The following CDC23 variants were observed in gnomAD, a reference collection of about 807,000 sequenced individuals.
The protein encoded by CDC23 is cell division cycle 23, also known as cell division cycle protein 23 homolog.
In CDC23, 26 loss-of-function variants were observed where a neutral mutation model predicts 81.7. The ratio of observed to expected loss-of-function variants is 0.32; its 90% CI spans 0.23 to 0.44. The LOEUF (loss-of-function observed/expected upper bound fraction) is 0.44, where lower values mean the gene tolerates loss of function less well. CDC23 is among the 20% of genes least tolerant of loss of function. The probability of loss-of-function intolerance (pLI) is 1.00; values close to 1 mark genes in which losing one functional copy is unlikely to be tolerated. For synonymous variants in CDC23, 267 were observed against 270.8 expected (o/e 0.99, Z 0.14); for missense variants, 519 against 728.0 (o/e 0.71, Z 3.30).
intron 2 of CDC23, among the ~76,000 whole-genome samples, chr5:138,212,242 G>A (rs1755121484): frequency 6.6e-6 from 1 of 152,182 alleles, no homozygotes; most frequent in African/African-American, 2.4e-5. Flanking sequence ...ACCCAGAGTC[G>A]TCTCAATCCA....
intron 9 of CDC23, among the ~76,000 whole-genome samples, chr5:138,193,993 G>C (rs2967782): frequency 0.34 from 51,662 of 151,222 alleles, 9,038 homozygotes; most frequent in South Asian, 0.43. Context: ...CTAAGTTTCC[G>C]TCTCACACAA....
chr5:138,197,438 TATA>T (rs749827219), intron 9 of CDC23, among the ~76,000 whole-genome samples: 33 of 151,142 alleles, frequency 2.2e-4, no homozygotes, highest in Non-Finnish European at 4.6e-4. Context: ...TAGCACTATG[TATA>T]ATGATACAGT....
chr5:138,192,433 T>C (rs778588872), intron 10 of CDC23, 45 bp from the exon 11 acceptor site: 2 of 1,613,938 alleles, frequency 1.2e-6, no homozygotes, highest in East Asian at 2.2e-5. Context: ...AGAATCAAGG[T>C]TGGCAACTTG....
At chr5:138,203,480 T>C (rs1171303241) in intron 3 of CDC23, among the ~76,000 whole-genome samples, 2 of 152,112 alleles carry the variant, frequency 1.3e-5, no homozygotes, top group African/African-American at 2.4e-5. Context: ...GGAAGATTTA[T>C]AAATTTCAAA....
Position 138,188,281 on chromosome 5 carries a change from A to T in CDC23, c.*697T>A, listed in dbSNP as rs1172778356. The T allele has an allele frequency of 6.6e-6, 1 of 152,154 alleles. No individual in the cohort carries two copies. The highest frequency in any genetic ancestry group is 1.5e-5 in the Non-Finnish European group (1 of 68,024). The allele number at this position is 152,154 out of a possible 1,614,324, so 9.4% of individuals were successfully genotyped here. A position where few individuals can be genotyped will look rare whatever the true frequency, so the allele number is the denominator to read the frequency against. Reference sequence around the variant, plus strand: ...CTTTGGTAGGAGTATAGCTAACAATATAGCCATCTTTTGCCCTCAGTAAGG... The same window carrying T: ...CTTTGGTAGGAGTATAGCTAACAATTTAGCCATCTTTTGCCCTCAGTAAGG... On this transcript the variant is annotated 3_prime_UTR_variant, in exon 16 of 16. Transcript: ENST00000394886.
chr5:138,206,532 TA>T lies in CDC23; in HGVS notation c.372+14del. Reference sequence around the variant, plus strand: ...TTTCACTAAAGGCAGAATGACATTTTAAAATGGCCCTCACCAGATATCTGGA... The same window carrying T: ...TTTCACTAAAGGCAGAATGACATTTTAAATGGCCCTCACCAGATATCTGGA... On this transcript the variant is annotated intron_variant, in intron 3 of 15. Transcript: ENST00000394886. The T allele has an allele frequency of 6.2e-7, 1 of 1,614,036 alleles. No homozygotes were observed. Among genetic ancestry groups the T allele is most frequent in the Non-Finnish European group, 8.5e-7 (1 of 1,179,876 alleles).
At position 138,189,144 on chromosome 5, in the gene CDC23, C is replaced by T. The variant is rs1414185603; in HGVS notation, c.1628G>A (p.Arg543Gln). ...CCGGAGTAAGGCCTTACCTTCTTCC[C>T]GGGTCTGCAACAAAGTCAGGGAAAT... Reference protein sequence around the residue: ...AQKCCAFNDTREEGKALLRQI... With the variant: ...AQKCCAFNDTQEEGKALLRQI... Residue 543 changes from arginine to glutamine, a missense_variant, in exon 16 of 16, where the codon CGG becomes CAG. Arg to Gln is a conservative substitution (Grantham distance 43). Transcript: ENST00000394886. The T allele has an allele frequency of 3.1e-6, 5 of 1,612,498 alleles. No individual in the cohort carries two copies. Among genetic ancestry groups the T allele is most frequent in the Admixed American group, 1.7e-5 (1 of 59,682 alleles).
Position 138,206,542 on chromosome 5 carries a change from C to G in CDC23, c.372+5G>C. On this transcript the variant is annotated splice_donor_5th_base_variant and intron_variant, in intron 3 of 15. Transcript: ENST00000394886. ...GGCAGAATGACATTTTAAAATGGCC[C>G]TCACCAGATATCTGGAATACATATA... The G allele has an allele frequency of 6.2e-7, 1 of 1,614,012 alleles. No individual in the cohort carries two copies. Among genetic ancestry groups the G allele is most frequent in the South Asian group, 1.1e-5 (1 of 91,076 alleles).
At chr5:138,196,526 A>T (rs963527973) in intron 9 of CDC23, among the ~76,000 whole-genome samples, 3 of 151,108 alleles carry the variant, frequency 2.0e-5, no homozygotes, top group African/African-American at 7.3e-5. Context: ...TGACCTTATG[A>T]TCCACCCGCC....
chr5:138,192,591 A>C lies in CDC23; in HGVS notation c.1079T>G (p.Leu360Ter). 6.2e-7 allele frequency: 1 copy of C among 1,614,140 alleles called. No homozygotes were observed. The highest frequency in any genetic ancestry group is 8.5e-7 in the Non-Finnish European group (1 of 1,179,970). Residue 360 changes from leucine (L) to a stop codon, truncating the protein, a stop_gained, in exon 10 of 16, where the codon TTA becomes TGA. Coordinates refer to ENST00000394886, the MANE Select transcript of CDC23 (RefSeq NM_004661.4). LOFTEE classifies it high-confidence loss of function. Reference sequence around the variant, plus strand: ...CCAGGCACCAAGATACCGAGGATTTAATTTCAGGGCTCTCTGGAAATATAA... The same window carrying C: ...CCAGGCACCAAGATACCGAGGATTTCATTTCAGGGCTCTCTGGAAATATAA... ...AALYFQRALK[L>*]NPRYLGAWTL...
chr5:138,211,578 G>C (rs1755113767), intron 2 of CDC23, among the ~76,000 whole-genome samples: 1 of 151,880 alleles, frequency 6.6e-6, no homozygotes, highest in Non-Finnish European at 1.5e-5. Flanking sequence ...CAGGAGAATT[G>C]CTTGAACCCG....
chr5:138,191,980 A>C (rs763088442), intron 11 of CDC23, 43 bp from the exon 12 acceptor site: 1 of 1,547,480 alleles, frequency 6.5e-7, no homozygotes, highest in Admixed American at 1.7e-5. Context: ...ACTTTACAGA[A>C]ACTGAAGTTC....
At chr5:138,191,809 T>C (rs1450457819) in intron 12 of CDC23, 53 bp downstream of exon 12, 10 of 1,390,270 alleles carry the variant, frequency 7.2e-6, no homozygotes, top group Non-Finnish European at 1.0e-5. Context: ...AGCCCAACCT[T>C]CATCTAAACA....
chr5:138,210,983 G>C (rs1755106191), intron 2 of CDC23, among the ~76,000 whole-genome samples: 1 of 152,114 alleles, frequency 6.6e-6, no homozygotes, highest in Non-Finnish European at 1.5e-5. Context: ...ACTAAAAACA[G>C]AATTACCATT....
Position 138,191,888 on chromosome 5 carries a change from G to A in CDC23, c.1336C>T (p.Leu446Phe). Residue 446 changes from leucine to phenylalanine, a missense_variant, in exon 12 of 16, where the codon CTC (leucine) becomes TTC (phenylalanine). Transcript: ENST00000394886. ...TTTTTGGCTTCCACTAGTTGATTGAGTTTCTCGTAACATTCTCCTAAAGCA... is the reference window on the plus strand; with the variant it reads ...TTTTTGGCTTCCACTAGTTGATTGAATTTCTCGTAACATTCTCCTAAAGCA... ...LVALGECYEK[L>F]NQLVEAKKCY... is the part of the protein sequence containing the mutation. The A allele has an allele frequency of 6.2e-7, 1 of 1,614,066 alleles. No homozygotes were observed.
At chr5:138,200,967 A>G in intron 6 of CDC23, 140 bp downstream of exon 6, 1 of 843,736 alleles carries the variant, frequency 1.2e-6, no homozygotes, top group Non-Finnish European at 1.8e-6. Context: ...TTACTTCCAA[A>G]ACAGCGAAAA....
intron 9 of CDC23, among the ~76,000 whole-genome samples, chr5:138,195,713 A>AATATATATT (rs1289832125): frequency 1.6e-5 from 1 of 64,190 alleles, no homozygotes; most frequent in South Asian, 5.0e-4. Flanking sequence ...ATATACATAT[A>AATATATATT]ATATATATGT....
At chr5:138,208,939 G>A (rs925856330) in intron 2 of CDC23, among the ~76,000 whole-genome samples, 4 of 152,090 alleles carry the variant, frequency 2.6e-5, no homozygotes, top group South Asian at 2.1e-4. Flanking sequence ...CCACAGGTGC[G>A]TGCCACCGCA....
At chr5:138,203,367 G>A (rs1323954756) in intron 3 of CDC23, among the ~76,000 whole-genome samples, 1 of 151,964 alleles carries the variant, frequency 6.6e-6, no homozygotes, top group Admixed American at 6.6e-5. Context: ...GGAGGTATAT[G>A]GGAACTCCTG....
Sources: allele counts gnomAD v4.1 joint callset (sites outside exome capture counted in the v4.1 genomes callset), GRCh38; gene constraint gnomAD v4.1.1; transcripts MANE v1.5; gene names NCBI Gene and HGNC (gene_info 2026-07-23, HGNC 2026-07-21).